Variants in ROBO2 observed in about 807,000 individuals in gnomAD.
The protein encoded by ROBO2 is roundabout homolog 2.
In ROBO2, 53 loss-of-function variants were observed where a neutral mutation model predicts 160.8. That is an observed-to-expected ratio of 0.33 (90% CI 0.26 to 0.41). The LOEUF (loss-of-function observed/expected upper bound fraction) is 0.41, where lower values mean the gene tolerates loss of function less well. ROBO2 is among the 10% of genes least tolerant of loss of function. The probability of loss-of-function intolerance (pLI) is 1.00; values close to 1 mark genes in which losing one functional copy is unlikely to be tolerated. For synonymous variants in ROBO2, 664 were observed against 611.7 expected, an observed-to-expected ratio of 1.09 and a Z score of -1.26; for missense variants, 1,577 against 1,722.4, an observed-to-expected ratio of 0.92 and a Z score of 1.49.
intron 2 of ROBO2, among the ~76,000 whole-genome samples, chr3:76,956,725 G>A (rs2079299611): frequency 3.9e-5 from 6 of 151,942 alleles, no homozygotes. Flanking sequence ...CTAGGCCACT[G>A]TTTCCCAAAC....
chr3:77,577,827 A>C (rs2153673158), intron 15 of ROBO2, among the ~76,000 whole-genome samples: 1 of 152,264 alleles, frequency 6.6e-6, no homozygotes, highest in African/African-American at 2.4e-5. Context: ...TTGAACAATT[A>C]AACCACACCA....
intron 2 of ROBO2, among the ~76,000 whole-genome samples, chr3:76,488,204 G>T (rs547046883): frequency 9.5e-4 from 144 of 152,290 alleles, no homozygotes; most frequent in African/African-American, 3.3e-3. Context: ...GATTCCGTGG[G>T]TCAGAATTTT....
intron 2 of ROBO2, among the ~76,000 whole-genome samples, chr3:76,677,939 C>G: frequency 7.9e-6 from 1 of 127,246 alleles, no homozygotes; most frequent in African/African-American, 2.9e-5. Context: ...TATTTTCTCT[C>G]ACAGAGAAAG....
At chr3:76,251,833 G>A (rs932511436) in intron 2 of ROBO2, among the ~76,000 whole-genome samples, 3 of 152,050 alleles carry the variant, frequency 2.0e-5, no homozygotes, top group Admixed American at 6.6e-5. Context: ...GTCAGGTGCA[G>A]ATTTCTTTCA....
chr3:76,992,516 A>G (rs1405150563), intron 2 of ROBO2, among the ~76,000 whole-genome samples: 1 of 151,892 alleles, frequency 6.6e-6, no homozygotes, highest in African/African-American at 2.4e-5. Flanking sequence ...GTTATTGAAG[A>G]TCGCACATTC....
At chr3:77,637,437 C>T (rs913316978) in intron 24 of ROBO2, among the ~76,000 whole-genome samples, 3 of 152,128 alleles carry the variant, frequency 2.0e-5, no homozygotes, top group Non-Finnish European at 2.9e-5. Flanking sequence ...ATCTTTCCTG[C>T]TTCCTTTGTT....
At chr3:76,745,764 TA>T (rs1156612942) in intron 2 of ROBO2, among the ~76,000 whole-genome samples, 1 of 151,430 alleles carries the variant, frequency 6.6e-6, no homozygotes, top group Non-Finnish European at 1.5e-5. Flanking sequence ...AACTCTCTTC[TA>T]AAAATACTCA....
At chr3:77,050,892 C>A (rs1010605400) in intron 1 of ROBO2, among the ~76,000 whole-genome samples, 3 of 151,508 alleles carry the variant, frequency 2.0e-5, no homozygotes, top group African/African-American at 7.3e-5. Context: ...GTGGTGCTCA[C>A]CTGTAGTCCC....
chr3:75,959,626 T>C (rs1281051131), intron 2 of ROBO2, among the ~76,000 whole-genome samples: 4 of 151,768 alleles, frequency 2.6e-5, no homozygotes, highest in Non-Finnish European at 5.9e-5. Flanking sequence ...TTTTGGAAAT[T>C]CTTAATTTTC....
intron 2 of ROBO2, among the ~76,000 whole-genome samples, chr3:76,261,206 A>AGAG (rs1440775745): frequency 3.7e-5 from 5 of 136,768 alleles, no homozygotes; most frequent in South Asian, 2.4e-4. Context: ...GTGTGTGTAT[A>AGAG]TATATATATA....
At chr3:77,449,189 A>G (rs891988731) in intron 2 of ROBO2, among the ~76,000 whole-genome samples, 1 of 152,124 alleles carries the variant, frequency 6.6e-6, no homozygotes, top group Non-Finnish European at 1.5e-5. Flanking sequence ...ATGCAATATT[A>G]ATTAAAATTT....
At chr3:76,669,332 A>G (rs114933402) in intron 2 of ROBO2, among the ~76,000 whole-genome samples, 2,464 of 152,302 alleles carry the variant, frequency 0.016, 43 homozygotes, top group Middle Eastern at 0.048. Flanking sequence ...AAAGAATTCC[A>G]TAAAAAAGGC....
chr3:75,950,020 A>ATGTG (rs61564519), intron 2 of ROBO2, among the ~76,000 whole-genome samples: 4,600 of 148,950 alleles, frequency 0.031, 146 homozygotes, highest in African/African-American at 0.093. Context: ...CTACATATGC[A>ATGTG]TGTGTGTGTG....
At chr3:77,612,979 T>C (rs1048547308) in intron 21 of ROBO2, among the ~76,000 whole-genome samples, 24 of 151,938 alleles carry the variant, frequency 1.6e-4, no homozygotes, top group African/African-American at 5.1e-4. Flanking sequence ...AATAGAAAAA[T>C]TGGTGATAAC....
At chr3:76,500,736 A>G (rs2080415418) in intron 2 of ROBO2, among the ~76,000 whole-genome samples, 1 of 152,230 alleles carries the variant, frequency 6.6e-6, no homozygotes, top group Non-Finnish European at 1.5e-5. Flanking sequence ...AGTCAGTTCT[A>G]GAAGATAAAG....
At chr3:76,759,005 T>C (rs930115351) in intron 2 of ROBO2, among the ~76,000 whole-genome samples, 11 of 151,904 alleles carry the variant, frequency 7.2e-5, no homozygotes, top group Non-Finnish European at 1.3e-4. Flanking sequence ...CATGTCAACA[T>C]AGTTTGGTAT....
chr3:76,127,957 G>T (rs977052348), intron 2 of ROBO2, among the ~76,000 whole-genome samples: 1 of 147,496 alleles, frequency 6.8e-6, no homozygotes, highest in Non-Finnish European at 1.5e-5. Flanking sequence ...GTGCAGTGGC[G>T]TGATCTCTGC....
At chr3:76,039,458 T>A (rs2067215137) in intron 2 of ROBO2, among the ~76,000 whole-genome samples, 2 of 152,008 alleles carry the variant, frequency 1.3e-5, no homozygotes, top group Admixed American at 6.5e-5. Flanking sequence ...CATTTTGGGT[T>A]GGTTGGTAAA....
At position 76,995,342 on chromosome 3, in the gene ROBO2, G is replaced by A. The variant is rs182266280; in HGVS notation, c.110-102672G>A. Reference sequence around the variant, plus strand: ...TATGTGCCACAATTTTCTTAATCCAGTCTATCATTGATGGACATTTGGGTG... The same window carrying A: ...TATGTGCCACAATTTTCTTAATCCAATCTATCATTGATGGACATTTGGGTG... On this transcript the variant is annotated intron_variant, in intron 2 of 26. Coordinates refer to the ROBO2 transcript ENST00000487694. 5.0e-3 allele frequency among the ~76,000 whole-genome samples: 767 copies of A among 152,202 alleles called. 9 individuals carry two copies. The highest frequency in any genetic ancestry group is 0.018 in the African/African-American group (730 of 41,514).
Sources: gnomAD v4.1 joint callset for allele counts (sites outside exome capture counted in the v4.1 genomes callset) on GRCh38, gnomAD v4.1.1 for gene constraint, MANE v1.5 for transcripts, NCBI Gene and HGNC (gene_info 2026-07-23, HGNC 2026-07-21) for gene names.